Variants in SEPSECS observed in about 807,000 individuals in gnomAD.
SEPSECS encodes Sep (O-phosphoserine) tRNA:Sec (selenocysteine) tRNA synthase.
A neutral mutation model predicts 52.1 loss-of-function variants in SEPSECS; 42 were observed. The ratio of observed to expected loss-of-function variants is 0.81; its 90% CI spans 0.63 to 1.04. The LOEUF is 1.04. Among genes scored for constraint, SEPSECS ranks in the 50% least tolerant of loss-of-function variants. SEPSECS has a pLI of 0.00. For missense variants in SEPSECS, 590 were observed against 610.6 expected (o/e 0.97, Z 0.36); for synonymous variants, 216 against 211.4 (o/e 1.02, Z -0.19).
chr4:25,155,361 C>A, intron 4 of SEPSECS: 2 of 592,040 alleles, frequency 3.4e-6, no homozygotes, highest in Non-Finnish European at 6.0e-6. Flanking sequence ...AATTTTAGGA[C>A]CATAAGTCTA....
intron 5 of SEPSECS, 82 bp downstream of exon 5, chr4:25,154,916 T>A: frequency 7.4e-7 from 1 of 1,359,140 alleles, no homozygotes; most frequent in Non-Finnish European, 1.0e-6. Context: ...TGTGAAGTGT[T>A]ATTTAAGCAT....
chr4:25,130,963 T>C (rs1307183242), intron 8 of SEPSECS, among the ~76,000 whole-genome samples: 1 of 152,124 alleles, frequency 6.6e-6, no homozygotes, highest in Non-Finnish European at 1.5e-5. Flanking sequence ...AGAAATGAAA[T>C]ATTATTGATT....
At chr4:25,160,513 A>T (rs1357206735), upstream of SEPSECS, 6 of 661,404 alleles carry the variant, frequency 9.1e-6, no homozygotes, top group Middle Eastern at 7.7e-4. Flanking sequence ...CAAAACAAAA[A>T]AAACACTTCT....
At chr4:25,142,632 A>T (rs1711657079) in intron 8 of SEPSECS, among the ~76,000 whole-genome samples, 1 of 152,166 alleles carries the variant, frequency 6.6e-6, no homozygotes, top group Non-Finnish European at 1.5e-5. Context: ...ACTTTAGACT[A>T]CGCTATTTTA....
At position 25,156,140 on chromosome 4, in the gene SEPSECS, T is replaced by C. The variant is rs370636899; in HGVS notation, c.444A>G (p.Leu148=). The change falls in exon 4 of 11, where the codon CTA becomes CTG. Residue 148 remains leucine (L), a synonymous_variant. Transcript: ENST00000382103. ...GTCGTAATGTTAAGAAACACAGAGT[T>C]AGACTCATACCAGTTGCCATAGGAA... ...FVVPMATGMS[L]TLCFLTLRHK... is the part of the protein sequence containing the mutation. 1.3e-4 allele frequency: 205 copies of C among 1,614,060 alleles called. No individual in the cohort carries two copies. Among genetic ancestry groups the C allele is most frequent in the Non-Finnish European group, 1.6e-4 (192 of 1,179,942 alleles).
chr4:25,150,944 C>T (rs1042697192), intron 6 of SEPSECS, among the ~76,000 whole-genome samples: 1 of 152,014 alleles, frequency 6.6e-6, no homozygotes, highest in Admixed American at 6.6e-5. Flanking sequence ...GAAGTTGAGG[C>T]TGCAGTGAAC....
At chr4:25,128,096 C>T (rs911079190) in intron 8 of SEPSECS, among the ~76,000 whole-genome samples, 16 of 152,180 alleles carry the variant, frequency 1.1e-4, no homozygotes, top group African/African-American at 3.1e-4. Context: ...CTCCTTCCAG[C>T]ATATTACCTA....
chr4:25,124,942 CACAG>C (rs1027144953), intron 10 of SEPSECS, among the ~76,000 whole-genome samples: 2 of 151,708 alleles, frequency 1.3e-5, no homozygotes, highest in African/African-American at 4.8e-5. Flanking sequence ...AACCTAAACA[CACAG>C]ACAAATAGTG....
chr4:25,139,384 C>CTTTTTTTTTTTTTT (rs5856888), intron 8 of SEPSECS, among the ~76,000 whole-genome samples: 1 of 108,848 alleles, frequency 9.2e-6, no homozygotes, highest in Non-Finnish European at 1.7e-5. Context: ...AAAGTTGTGT[C>CTTTTTTTTTTTTTT]TTTTTTTTTT....
intron 6 of SEPSECS, among the ~76,000 whole-genome samples, chr4:25,146,473 A>AT (rs958491000): frequency 2.4e-4 from 12 of 49,212 alleles, no homozygotes; most frequent in East Asian, 1.1e-3. Flanking sequence ...GACTAACAGA[A>AT]TAAAAAAAAC....
At chr4:25,127,591 A>C (rs1373393955) in intron 8 of SEPSECS, among the ~76,000 whole-genome samples, 3 of 152,164 alleles carry the variant, frequency 2.0e-5, no homozygotes, top group African/African-American at 7.2e-5. Context: ...TCACTATTAC[A>C]TATCTATCAC....
Position 25,120,819 on chromosome 4 carries a change from T to C in SEPSECS, c.*3112A>G, listed in dbSNP as rs1410987208. 1.3e-5 allele frequency: 2 copies of C among 152,160 alleles called. No individual in the cohort carries two copies. Among genetic ancestry groups the C allele is most frequent in the Non-Finnish European group, 2.9e-5 (2 of 67,992 alleles). 9.4% of individuals were successfully genotyped at this position (152,160 alleles called of 1,614,324 possible). A position where few individuals can be genotyped will look rare whatever the true frequency, so the allele number is the denominator to read the frequency against. ...GTTGGTTATTTTCCTCTGTGAAATA[T>C]AACTCTCAGGATGAACTACTAATTC... On this transcript the variant is annotated 3_prime_UTR_variant, in exon 11 of 11. Transcript: ENST00000382103.
chr4:25,156,605 G>A (rs1304470162), intron 3 of SEPSECS, among the ~76,000 whole-genome samples: 3 of 150,524 alleles, frequency 2.0e-5, no homozygotes, highest in Non-Finnish European at 4.4e-5. Context: ...CTGCTCGGGA[G>A]GCTGAGGCAG....
At chr4:25,158,089 TAGG>T (rs1329231964) in intron 2 of SEPSECS, among the ~76,000 whole-genome samples, 1 of 152,198 alleles carries the variant, frequency 6.6e-6, no homozygotes, top group East Asian at 1.9e-4. Context: ...AAATTCGGTA[TAGG>T]AGGATTATCG....
intron 6 of SEPSECS, among the ~76,000 whole-genome samples, chr4:25,149,888 T>C (rs1712199774): frequency 1.3e-5 from 2 of 152,100 alleles, no homozygotes; most frequent in South Asian, 2.1e-4. Flanking sequence ...ACCAAGGAAA[T>C]GGTAAACAGT....
intron 8 of SEPSECS, among the ~76,000 whole-genome samples, chr4:25,130,727 A>G (rs879282898): frequency 1.3e-5 from 2 of 152,170 alleles, no homozygotes; most frequent in Non-Finnish European, 2.9e-5. Flanking sequence ...ATGCTCTCCT[A>G]TTAATATTAC....
In SEPSECS at chr4:25,133,113, C is replaced by G. The variant is rs563103128; in HGVS notation, c.1027-5756G>C. 1.9e-3 allele frequency among the ~76,000 whole-genome samples: 282 copies of G among 152,208 alleles called. 8 individuals carry two copies. The highest frequency in any genetic ancestry group is 9.7e-4 in the Non-Finnish European group (66 of 68,004). On this transcript the variant is annotated intron_variant, in intron 8 of 10. Transcript: ENST00000382103. ...ATAAAAATGTTAGCTCCCCACCCAC[C>G]TATTTTTCCCCTAGCCTAAAAGAGT...
At chr4:25,160,223 C>T (rs779483898) in intron 1 of SEPSECS, 33 bp downstream of exon 1, 4 of 1,548,292 alleles carry the variant, frequency 2.6e-6, no homozygotes, top group African/African-American at 1.4e-5. Flanking sequence ...CCCGGGGTCG[C>T]GGCGGCTGGG....
chr4:25,148,412 G>A (rs1231165828), intron 6 of SEPSECS, among the ~76,000 whole-genome samples: 1 of 146,788 alleles, frequency 6.8e-6, no homozygotes, highest in African/African-American at 2.5e-5. Context: ...AGAGTGTGTA[G>A]TAAATGGTAT....
Sources: gnomAD v4.1 joint callset for allele counts (sites outside exome capture counted in the v4.1 genomes callset) on GRCh38, gnomAD v4.1.1 for gene constraint, MANE v1.5 for transcripts, NCBI Gene and HGNC (gene_info 2026-07-23, HGNC 2026-07-21) for gene names.